Variants in CAMK1D observed in about 807,000 individuals in gnomAD.
CAMK1D encodes calcium/calmodulin dependent protein kinase ID, also known as calcium/calmodulin-dependent protein kinase type 1D.
Under a neutral mutation model 47.7 loss-of-function variants are expected in CAMK1D, and 9 were observed. The observed-to-expected ratio is 0.19, with a 90% CI of 0.11 to 0.33. The LOEUF is 0.33. Ranked by LOEUF, CAMK1D falls within the 10% of genes least tolerant of loss-of-function variation. The pLI is 1.00. For missense variants in CAMK1D, 291 were observed against 488.7 expected, an observed-to-expected ratio of 0.60 and a Z score of 3.81; for synonymous variants, 184 against 184.9, an observed-to-expected ratio of 0.99 and a Z score of 0.04.
At chr10:12,537,929 C>G (rs553408498) in intron 1 of CAMK1D, among the ~76,000 whole-genome samples, 2 of 152,158 alleles carry the variant, frequency 1.3e-5, no homozygotes, top group East Asian at 3.9e-4. Context: ...CTTCAAGGAA[C>G]CCAGATTATC....
chr10:12,751,149 G>A (rs907694052), intron 3 of CAMK1D, among the ~76,000 whole-genome samples: 6 of 151,924 alleles, frequency 3.9e-5, no homozygotes, highest in Non-Finnish European at 7.4e-5. Context: ...GGCTTCTTTC[G>A]TGAGCTTCAT....
intron 1 of CAMK1D, among the ~76,000 whole-genome samples, chr10:12,540,430 G>A (rs1048380715): frequency 2.0e-5 from 3 of 152,194 alleles, no homozygotes; most frequent in Non-Finnish European, 4.4e-5. Flanking sequence ...CAAAGCGTGT[G>A]TTTTAGAGTG....
rs549639639 is a variant in CAMK1D, at chr10:12,396,880, A to G, written c.92+46970A>G. ...AGGTTTGGGTTTTTAACTCAGTCGT[A>G]AGGAGCTGAATGAGGGGCCCAGGAA... is the stretch of plus-strand genomic sequence containing the variant. On this transcript the variant is annotated intron_variant, in intron 1 of 10. Transcript: ENST00000619168. Among the ~76,000 whole-genome samples, 39 of 152,294 alleles carry G rather than the reference A, an allele frequency of 2.6e-4. 1 individual carries two copies. In the South Asian group the frequency reaches 7.9e-3, roughly 31 times the overall value.
At chr10:12,606,267 G>A (rs553876759) in intron 2 of CAMK1D, among the ~76,000 whole-genome samples, 1 of 152,306 alleles carries the variant, frequency 6.6e-6, no homozygotes, top group East Asian at 1.9e-4. Flanking sequence ...CTCACACACA[G>A]CACCTACTAG....
At chr10:12,456,680 T>C (rs1833253627) in intron 1 of CAMK1D, 1 of 147,826 alleles carries the variant, frequency 6.8e-6, no homozygotes, top group Non-Finnish European at 1.5e-5. Context: ...GGCGGGAGGA[T>C]CACTTGAGCC....
chr10:12,729,153 C>T (rs1455507700), intron 3 of CAMK1D, among the ~76,000 whole-genome samples: 2 of 152,160 alleles, frequency 1.3e-5, no homozygotes, highest in African/African-American at 2.4e-5. Flanking sequence ...GAGCATGGGA[C>T]AGGGCAGTCC....
chr10:12,459,834 G>C (rs1833370427), intron 1 of CAMK1D, among the ~76,000 whole-genome samples: 1 of 152,176 alleles, frequency 6.6e-6, no homozygotes, highest in Non-Finnish European at 1.5e-5. Context: ...GAAATAATGA[G>C]CAACATGGAT....
intron 3 of CAMK1D, among the ~76,000 whole-genome samples, chr10:12,694,139 T>TTATATAA (rs1564498160): frequency 4.4e-5 from 1 of 22,790 alleles, no homozygotes; most frequent in Non-Finnish European, 6.9e-5. Flanking sequence ...ATATTATATA[T>TTATATAA]AATATAATAT....
intron 1 of CAMK1D, among the ~76,000 whole-genome samples, chr10:12,384,587 A>C (rs1838436917): frequency 6.6e-6 from 1 of 152,198 alleles, no homozygotes; most frequent in Non-Finnish European, 1.5e-5. Context: ...CAGTGATGGG[A>C]AGAATAGTCT....
intron 5 of CAMK1D, among the ~76,000 whole-genome samples, chr10:12,779,514 C>T (rs915082448): frequency 9.9e-5 from 15 of 152,136 alleles, no homozygotes; most frequent in African/African-American, 3.4e-4. Context: ...ACTGCAGCCT[C>T]GATCCCCTGG....
intron 7 of CAMK1D, among the ~76,000 whole-genome samples, chr10:12,814,768 GA>G (rs201173880): frequency 0.039 from 5,892 of 152,176 alleles, 442 homozygotes; most frequent in East Asian, 0.34. Context: ...AACTGTGGGG[GA>G]TTAACAAACT....
chr10:12,552,171 G>C (rs1386252362), intron 1 of CAMK1D, among the ~76,000 whole-genome samples: 2 of 152,208 alleles, frequency 1.3e-5, no homozygotes, highest in African/African-American at 4.8e-5. Flanking sequence ...GGGGCTCCCA[G>C]ATCATAAGGG....
At chr10:12,521,346 C>G (rs917988733) in intron 1 of CAMK1D, among the ~76,000 whole-genome samples, 11 of 152,154 alleles carry the variant, frequency 7.2e-5, no homozygotes, top group Admixed American at 3.9e-4. Context: ...TCTAACTTGC[C>G]TGTCTTTGAC....
intron 1 of CAMK1D, among the ~76,000 whole-genome samples, chr10:12,365,306 C>G (rs1837798756): frequency 6.6e-6 from 1 of 152,052 alleles, no homozygotes; most frequent in Non-Finnish European, 1.5e-5. Flanking sequence ...ATAATGACAC[C>G]TGCTTACGTT....
At chr10:12,734,343 A>T (rs1400478908) in intron 3 of CAMK1D, among the ~76,000 whole-genome samples, 2 of 17,134 alleles carry the variant, frequency 1.2e-4, no homozygotes, top group South Asian at 1.6e-3. Flanking sequence ...AAAAAAAAAA[A>T]AAATATATAT....
intron 5 of CAMK1D, among the ~76,000 whole-genome samples, chr10:12,774,790 C>G (rs923208700): frequency 6.6e-6 from 1 of 152,222 alleles, no homozygotes; most frequent in Non-Finnish European, 1.5e-5. Context: ...GATCTGTGCC[C>G]GCAAGAGATT....
At chr10:12,603,330 C>T (rs1002707661) in intron 2 of CAMK1D, among the ~76,000 whole-genome samples, 2 of 152,184 alleles carry the variant, frequency 1.3e-5, no homozygotes, top group Non-Finnish European at 1.5e-5. Context: ...ACACCAGTTG[C>T]GCAGTGCCTG....
At chr10:12,725,904 C>T (rs1588852704) in intron 3 of CAMK1D, among the ~76,000 whole-genome samples, 1 of 151,982 alleles carries the variant, frequency 6.6e-6, no homozygotes, top group East Asian at 2.0e-4. Context: ...TTACAGGCGC[C>T]CACCATCACA....
chr10:12,401,029 A>G (rs1169370830), intron 1 of CAMK1D, among the ~76,000 whole-genome samples: 5 of 116,966 alleles, frequency 4.3e-5, no homozygotes, highest in African/African-American at 1.6e-4. Context: ...GTTTTATAAT[A>G]TATAAATATA....
Sources: allele counts gnomAD v4.1 joint callset (sites outside exome capture counted in the v4.1 genomes callset), GRCh38; gene constraint gnomAD v4.1.1; transcripts MANE v1.5; gene names NCBI Gene and HGNC (gene_info 2026-07-23, HGNC 2026-07-21).